GXYLT1: variants seen among roughly 807,000 people sequenced by gnomAD.
GXYLT1 encodes the protein glycosyltransferase 8 domain containing 3.
In GXYLT1, 29 loss-of-function variants were observed where a neutral mutation model predicts 54.0. The ratio of observed to expected loss-of-function variants is 0.54; its 90% CI spans 0.40 to 0.73. The LOEUF (loss-of-function observed/expected upper bound fraction) is 0.73, where lower values mean the gene tolerates loss of function less well. Among genes scored for constraint, GXYLT1 ranks in the 30% least tolerant of loss-of-function variants. GXYLT1 has a pLI of 0.00. For missense variants in GXYLT1, 490 were observed against 553.4 expected (o/e 0.89, Z 1.15); for synonymous variants, 176 against 204.1 (o/e 0.86, Z 1.17).
At chr12:42,089,590 G>A (rs1707161069) in intron 7 of GXYLT1, among the ~76,000 whole-genome samples, 1 of 152,122 alleles carries the variant, frequency 6.6e-6, no homozygotes, top group African/African-American at 2.4e-5. Context: ...AAGGAGAGAG[G>A]ATTTTCTCAG....
At chr12:42,120,007 C>T (rs34329231) in intron 2 of GXYLT1, among the ~76,000 whole-genome samples, 21,679 of 152,076 alleles carry the variant, frequency 0.14, 1,678 homozygotes, top group Non-Finnish European at 0.18. Flanking sequence ...CTGTGGCTGC[C>T]AGTAAATAAA....
intron 4 of GXYLT1, among the ~76,000 whole-genome samples, chr12:42,106,661 T>C (rs1183484287): frequency 6.6e-6 from 1 of 152,012 alleles, no homozygotes; most frequent in African/African-American, 2.4e-5. Context: ...CCAGAAAGAC[T>C]GGCTATGTTG....
At chr12:42,106,714 G>T (rs1373050225) in intron 4 of GXYLT1, among the ~76,000 whole-genome samples, 1 of 150,324 alleles carries the variant, frequency 6.7e-6, no homozygotes, top group Non-Finnish European at 1.5e-5. Context: ...CTTCCCTGGG[G>T]AATTTTAAGG....
At chr12:42,110,736 T>C (rs2065448460) in intron 3 of GXYLT1, among the ~76,000 whole-genome samples, 1 of 152,192 alleles carries the variant, frequency 6.6e-6, no homozygotes, top group African/African-American at 2.4e-5. Flanking sequence ...TATTGTAAAA[T>C]ACTAGCACTG....
At chr12:42,136,249 C>T (rs1308479209) in intron 1 of GXYLT1, among the ~76,000 whole-genome samples, 4 of 152,094 alleles carry the variant, frequency 2.6e-5, no homozygotes, top group Non-Finnish European at 5.9e-5. Context: ...AGCACTTGCA[C>T]TTTTAGGCCA....
intron 1 of GXYLT1, among the ~76,000 whole-genome samples, chr12:42,132,274 C>T (rs2065597497): frequency 6.6e-6 from 1 of 152,050 alleles, no homozygotes; most frequent in South Asian, 2.1e-4. Flanking sequence ...CACCAATATC[C>T]GCAGATAAGT....
intron 1 of GXYLT1, among the ~76,000 whole-genome samples, chr12:42,133,980 T>A (rs956084503): frequency 6.6e-6 from 1 of 152,070 alleles, no homozygotes; most frequent in African/African-American, 2.4e-5. Context: ...GTGGATCGCT[T>A]GAGCCCAGGA....
intron 7 of GXYLT1, among the ~76,000 whole-genome samples, chr12:42,096,679 G>C (rs952414010): frequency 6.6e-6 from 1 of 152,160 alleles, no homozygotes; most frequent in Non-Finnish European, 1.5e-5. Context: ...AAGAACCAAC[G>C]ATAGATGCTA....
chr12:42,105,712 AAATT>A (rs2065415094), intron 5 of GXYLT1, 102 bp downstream of exon 5: 4 of 740,446 alleles, frequency 5.4e-6, no homozygotes, highest in Middle Eastern at 3.8e-4. Context: ...CTAAATAGAA[AAATT>A]ATTTATAGTT....
chr12:42,139,152 CA>C (rs1186179046), intron 1 of GXYLT1, among the ~76,000 whole-genome samples: 1 of 151,838 alleles, frequency 6.6e-6, no homozygotes, highest in Non-Finnish European at 1.5e-5. Flanking sequence ...GCCATGATCT[CA>C]GGCCACTGTA....
In GXYLT1 at chr12:42,144,694, A is replaced by C. The variant is rs758957865; in HGVS notation, c.-48T>G. 64 of 1,110,686 alleles carry C rather than the reference A, an allele frequency of 5.8e-5. No individual in the cohort carries two copies. The highest frequency in any genetic ancestry group is 1.1e-4 in the South Asian group (7 of 61,280). 68.8% of individuals were successfully genotyped at this position (1,110,686 alleles called of 1,614,324 possible). On this transcript the variant is annotated 5_prime_UTR_variant, in exon 1 of 8. Transcript: ENST00000398675. ...CGCCGCCGCCGCCGCGCCCGCCCCG[A>C]CGAACTGGAGCGGAGGGAGGGGCAC...
rs1290982580 is a variant in GXYLT1 at position 42,084,793 on chromosome 12, T to C, written c.*2993A>G. 6.6e-6 allele frequency: 1 copy of C among 152,004 alleles called. No individual in the cohort carries two copies. The highest frequency in any genetic ancestry group is 1.5e-5 in the Non-Finnish European group (1 of 68,006). 9.4% of individuals were successfully genotyped at this position (152,004 alleles called of 1,614,324 possible). ...TGAACTACTCTTCATTAGAAAAAAGTATGCATTTTCTTAAAGCATAAATCA... is the reference window on the plus strand; with the variant it reads ...TGAACTACTCTTCATTAGAAAAAAGCATGCATTTTCTTAAAGCATAAATCA... On this transcript the variant is annotated 3_prime_UTR_variant, in exon 8 of 8. Coordinates refer to ENST00000398675, the MANE Select transcript of GXYLT1 (RefSeq NM_173601.2).
rs1026309112 is a variant in GXYLT1, at chr12:42,097,987, G to C, written c.911C>G (p.Pro304Arg). ...VRLQWGDILM[P>R]LLKKYKLNIT... ...GTTTAGTTTGTATTTTTTAAGCAAT[G>C]GCATAAGTATATCTCCCCATTGTAG... Residue 304 changes from proline (P) to arginine (R), a missense_variant, in exon 6 of 8, where the codon CCA (proline) becomes CGA (arginine). By Grantham distance (103) the Pro-to-Arg change is moderately radical. Transcript: ENST00000398675. The C allele has an allele frequency of 4.9e-5, 79 of 1,604,512 alleles. No individual in the cohort carries two copies. Among genetic ancestry groups the C allele is most frequent in the Non-Finnish European group, 6.7e-5 (78 of 1,172,200 alleles).
intron 7 of GXYLT1, among the ~76,000 whole-genome samples, chr12:42,095,898 G>A (rs990505170): frequency 2.0e-5 from 3 of 152,156 alleles, no homozygotes; most frequent in Non-Finnish European, 4.4e-5. Flanking sequence ...CCCTTGTCTG[G>A]GAGCAGGGGA....
chr12:42,139,138 G>T (rs770957260), intron 1 of GXYLT1, among the ~76,000 whole-genome samples: 64 of 151,960 alleles, frequency 4.2e-4, no homozygotes, highest in Non-Finnish European at 7.9e-4. Context: ...CAAGGCTGCA[G>T]TGAGCCATGA....
At chr12:42,097,798 A>C (rs1245779144) in intron 6 of GXYLT1, 112 bp downstream of exon 6, 1 of 1,016,438 alleles carries the variant, frequency 9.8e-7, no homozygotes, top group Non-Finnish European at 1.4e-6. Context: ...CTTAAACATA[A>C]ATAGCAATAA....
At chr12:42,117,981 C>CT in intron 3 of GXYLT1, among the ~76,000 whole-genome samples, 1 of 152,260 alleles carries the variant, frequency 6.6e-6, no homozygotes, top group Middle Eastern at 3.4e-3. Context: ...TGGTTGGAGT[C>CT]TGAGTAGTCA....
At chr12:42,123,129 C>A (rs1362033471) in intron 2 of GXYLT1, among the ~76,000 whole-genome samples, 1 of 152,140 alleles carries the variant, frequency 6.6e-6, no homozygotes, top group African/African-American at 2.4e-5. Flanking sequence ...GAGACTAACT[C>A]AACCTGAGTT....
At chr12:42,096,769 G>A (rs1054397111) in intron 7 of GXYLT1, among the ~76,000 whole-genome samples, 2 of 152,030 alleles carry the variant, frequency 1.3e-5, no homozygotes, top group African/African-American at 4.8e-5. Flanking sequence ...GCTTATAAGA[G>A]GAAAAATAAC....
Sources: allele counts gnomAD v4.1 joint callset (sites outside exome capture counted in the v4.1 genomes callset), GRCh38; gene constraint gnomAD v4.1.1; transcripts MANE v1.5; gene names NCBI Gene and HGNC (gene_info 2026-07-23, HGNC 2026-07-21).